The following DGCR8 variants were observed in gnomAD, a reference collection of about 807,000 sequenced individuals.
The protein encoded by DGCR8 is DGCR8 microprocessor complex subunit.
DGCR8 carries 14 observed loss-of-function variants against 78.5 expected under a neutral mutation model. The ratio of observed to expected loss-of-function variants is 0.18; its 90% confidence interval spans 0.12 to 0.28. The LOEUF is 0.28. Ranked by LOEUF, DGCR8 falls within the 10% of genes least tolerant of loss-of-function variation. The pLI is 1.00. For missense variants in DGCR8, 702 were observed against 1,022.5 expected (o/e 0.69, Z 4.28); for synonymous variants, 399 against 402.4 (o/e 0.99, Z 0.10).
At chr22:20,084,741 G>C (rs894242115) in intron 1 of DGCR8, among the ~76,000 whole-genome samples, 1 of 152,176 alleles carries the variant, frequency 6.6e-6, no homozygotes, top group Non-Finnish European at 1.5e-5. Flanking sequence ...ACCTCCGTTG[G>C]GTCAACAAGT....
chr22:20,101,771 C>T (rs2049705304), intron 9 of DGCR8: 6 of 985,220 alleles, frequency 6.1e-6, no homozygotes, highest in African/African-American at 1.7e-5. Context: ...GCCCCCTGCT[C>T]CTCCCAGCTG....
chr22:20,106,177 T>C lies in DGCR8; in HGVS notation c.1789T>C (p.Tyr597His), dbSNP rs776888235. ...CACAAGCCTCTGCTTTGTGTTGTAGTATTTTAACCACATCAGCATCGAGGA... is the reference window on the plus strand; with the variant it reads ...CACAAGCCTCTGCTTTGTGTTGTAGCATTTTAACCACATCAGCATCGAGGA... ...EKPKDSEELEYFNHISIEDSR... is the reference protein window; with the variant it reads ...EKPKDSEELEHFNHISIEDSR... Residue 597 changes from tyrosine (Y) to histidine (H), a missense_variant and splice_region_variant, in exon 10 of 14, where the codon TAT becomes CAT. Tyr to His is a moderately conservative substitution (Grantham distance 83). Around this residue, in one of 4 missense-constraint regions of DGCR8, gnomAD observed 225 missense variants for 427.7 expected, o/e 0.53. Coordinates refer to ENST00000351989, the MANE Select transcript of DGCR8 (RefSeq NM_022720.7). 1 of 1,613,772 alleles carries C rather than the reference T, an allele frequency of 6.2e-7. No homozygotes were observed. Among genetic ancestry groups the C allele is most frequent in the Non-Finnish European group, 8.5e-7 (1 of 1,179,940 alleles).
Position 20,087,366 on chromosome 22 carries a change from G to A in DGCR8, c.880+45G>A, listed in dbSNP as rs1476731643. On this transcript the variant is annotated intron_variant, in intron 3 of 13. Transcript: ENST00000351989. This position sits in a 1 kb window ranked among gnomAD's most constrained non-coding sequence, Gnocchi z 4.1. The stretch of plus-strand genomic sequence containing the variant: ...GCAGTGGGTGTTCCAGGGCAGTGGA[G>A]GGGTGGTTGCTTCCTTAGCAGAAAT... 2 of 1,548,848 alleles carry A rather than the reference G, an allele frequency of 1.3e-6. No homozygotes were observed. Among genetic ancestry groups the A allele is most frequent in the African/African-American group, 1.4e-5 (1 of 72,726 alleles).
At chr22:20,093,781 C>T (rs1310478725) in intron 8 of DGCR8, among the ~76,000 whole-genome samples, 1 of 152,180 alleles carries the variant, frequency 6.6e-6, no homozygotes, top group Non-Finnish European at 1.5e-5. Flanking sequence ...GCATTCATGC[C>T]CTGCATTCGT....
In DGCR8 at chr22:20,111,123, C is replaced by A; in HGVS notation, c.*1015C>A. ...CTGTGACAGCGGTTTCTCTGGATGTCAAAGGCAGCTGCCTGGTGCCCAGCT... is the reference window on the plus strand; with the variant it reads ...CTGTGACAGCGGTTTCTCTGGATGTAAAAGGCAGCTGCCTGGTGCCCAGCT... On this transcript the variant is annotated 3_prime_UTR_variant, in exon 14 of 14. Coordinates refer to ENST00000351989, the MANE Select transcript of DGCR8 (RefSeq NM_022720.7). The A allele has an allele frequency of 2.5e-6, 1 of 398,532 alleles. No individual in the cohort carries two copies. The highest frequency in any genetic ancestry group is 1.3e-4 in the South Asian group (1 of 7,672). 24.7% of individuals were successfully genotyped at this position (398,532 alleles called of 1,614,324 possible). A position where few individuals can be genotyped will look rare whatever the true frequency, so the allele number is the denominator to read the frequency against.
At chr22:20,108,583 CTG>C (rs1284392190) in intron 12 of DGCR8, 3 of 303,048 alleles carry the variant, frequency 9.9e-6, no homozygotes, top group Non-Finnish European at 2.0e-5. Context: ...GATGAGGACT[CTG>C]GGCACCACGA....
At chr22:20,095,340 G>A (rs993899325) in intron 9 of DGCR8, among the ~76,000 whole-genome samples, 1 of 152,028 alleles carries the variant, frequency 6.6e-6, no homozygotes, top group Non-Finnish European at 1.5e-5. Context: ...TCCTGACCTC[G>A]GGTGATCCAC....
intron 1 of DGCR8, chr22:20,084,834 C>G (rs1006072593): frequency 4.1e-6 from 1 of 241,676 alleles, no homozygotes; most frequent in East Asian, 1.8e-4. Flanking sequence ...GGACTGTCCC[C>G]GTGCCTTGGA....
In DGCR8 at chr22:20,087,810, C is replaced by G. The variant is rs1269896548; in HGVS notation, c.880+489C>G. Among the ~76,000 whole-genome samples, 3 of 152,198 alleles carry G rather than the reference C, an allele frequency of 2.0e-5. No homozygotes were observed. The highest frequency in any genetic ancestry group is 7.2e-5 in the African/African-American group (3 of 41,448). ...GGGCCACAGCATGGTGTGTGCACTT[C>G]AGCTGGGCAGGGTGGAAGTGCCCTG... On this transcript the variant is annotated intron_variant, in intron 3 of 13. Coordinates refer to ENST00000351989, the MANE Select transcript of DGCR8 (RefSeq NM_022720.7). The surrounding 1 kb of genome is among the most constrained non-coding windows in gnomAD (Gnocchi z 4.1).
chr22:20,087,999 G>A lies in DGCR8; in HGVS notation c.880+678G>A, dbSNP rs566087425. Among the ~76,000 whole-genome samples, 35 of 152,186 alleles carry A rather than the reference G, an allele frequency of 2.3e-4. No homozygotes were observed. The highest frequency in any genetic ancestry group is 8.4e-4 in the African/African-American group (35 of 41,520). ...CTATGAGGGTCCTGGTGGAGATGTG[G>A]GGCTCGGTAGAGGGACTGAAGAGAT... is the stretch of plus-strand genomic sequence containing the variant. On this transcript the variant is annotated intron_variant, in intron 3 of 13. Transcript: ENST00000351989. This position sits in a 1 kb window ranked among gnomAD's most constrained non-coding sequence, Gnocchi z 4.1.
At position 20,086,142 on chromosome 22, in the gene DGCR8, A is replaced by C. The variant is rs750808235; in HGVS notation, c.179A>C (p.Glu60Ala). 6.2e-7 allele frequency: 1 copy of C among 1,614,062 alleles called. No individual in the cohort carries two copies. Among genetic ancestry groups the C allele is most frequent in the African/African-American group, 1.3e-5 (1 of 75,008 alleles). Residue 60 changes from glutamate (E) to alanine (A), a missense_variant, in exon 2 of 14, where the codon GAA (glutamate) becomes GCA (alanine). This residue lies in a region of DGCR8 where 356 missense variants were observed against 448.9 expected (regional missense o/e 0.79). Coordinates refer to ENST00000351989, the MANE Select transcript of DGCR8 (RefSeq NM_022720.7). This position sits in a 1 kb window ranked among gnomAD's most constrained non-coding sequence, Gnocchi z 6.4. ...DVGSGGDGQS[E>A]LPAEDPFNFY... ...GGCTCTGGTGGTGATGGACAGTCCGAACTCCCTGCTGAGGACCCCTTCAAC... is the reference window on the plus strand; with the variant it reads ...GGCTCTGGTGGTGATGGACAGTCCGCACTCCCTGCTGAGGACCCCTTCAAC...
At chr22:20,092,781 T>G in intron 7 of DGCR8, 28 bp from the exon 8 acceptor site, 2 of 1,593,842 alleles carry the variant, frequency 1.3e-6, no homozygotes, top group Non-Finnish European at 1.7e-6. Context: ...GACTCGTATG[T>G]TTTAAAACAA....
rs560101841 is a variant in DGCR8 at position 20,092,563 on chromosome 22, G to C, written c.1607-246G>C. Among the ~76,000 whole-genome samples, 32 of 152,202 alleles carry C rather than the reference G, an allele frequency of 2.1e-4. 1 individual carries two copies. In the South Asian group the frequency reaches 6.4e-3, roughly 31 times the overall value. ...GAGGCTCTGCCCCCAGCCTCCTGCTGCCCCTCTGGCTCACCATCTCCCACG... is the reference window on the plus strand; with the variant it reads ...GAGGCTCTGCCCCCAGCCTCCTGCTCCCCCTCTGGCTCACCATCTCCCACG... On this transcript the variant is annotated intron_variant, in intron 7 of 13. Coordinates refer to ENST00000351989, the MANE Select transcript of DGCR8 (RefSeq NM_022720.7).
chr22:20,090,940 G>A (rs2049550440), intron 5 of DGCR8, among the ~76,000 whole-genome samples: 1 of 152,220 alleles, frequency 6.6e-6, no homozygotes, highest in African/African-American at 2.4e-5. Context: ...TGTGATGGGG[G>A]CTGTTGCTGA....
chr22:20,107,507 A>G, intron 12 of DGCR8, 109 bp downstream of exon 12: 2 of 1,397,736 alleles, frequency 1.4e-6, no homozygotes, highest in South Asian at 1.2e-5. Flanking sequence ...GCTGTTGCTC[A>G]CAGCTGCCTC....
At chr22:20,101,532 T>C in intron 9 of DGCR8, 7 of 948,964 alleles carry the variant, frequency 7.4e-6, no homozygotes, top group Non-Finnish European at 8.8e-6. Context: ...GAGCTGAGAT[T>C]GCGCCACTGC....
chr22:20,100,858 C>A, intron 9 of DGCR8: 1 of 981,516 alleles, frequency 1.0e-6, no homozygotes, highest in Non-Finnish European at 1.2e-6. Context: ...TCATATCTCC[C>A]CAGGTAAGGA....
chr22:20,101,314 C>T (rs1033627862), intron 9 of DGCR8: 4 of 982,894 alleles, frequency 4.1e-6, no homozygotes, highest in African/African-American at 1.7e-5. Flanking sequence ...CGGTGGCTCA[C>T]GCCTGTAATC....
At chr22:20,104,215 A>T (rs944484446) in intron 9 of DGCR8, among the ~76,000 whole-genome samples, 3 of 144,820 alleles carry the variant, frequency 2.1e-5, no homozygotes, top group African/African-American at 5.2e-5. Flanking sequence ...CGGACTGCGG[A>T]CTGCAGTGGC....
Sources: gnomAD v4.1 joint callset for allele counts (sites outside exome capture counted in the v4.1 genomes callset) on GRCh38, gnomAD v4.1.1 for gene constraint, gnomAD v4.1.1 regional missense constraint, Gnocchi (gnomAD v3.1) non-coding constraint, MANE v1.5 for transcripts, NCBI Gene and HGNC (gene_info 2026-07-23, HGNC 2026-07-21) for gene names.